GDPD4: variants seen among roughly 807,000 people sequenced by gnomAD.
The protein encoded by GDPD4 is glycerophosphodiester phosphodiesterase domain containing 4.
Under a neutral mutation model 67.8 loss-of-function variants are expected in GDPD4, and 60 were observed. The observed-to-expected ratio is 0.88, with a 90% CI of 0.72 to 1.10. The LOEUF (loss-of-function observed/expected upper bound fraction) is 1.10. Among genes scored for constraint, GDPD4 ranks in the 50% least tolerant of loss-of-function variants. GDPD4 has a pLI of 0.00. For missense variants in GDPD4, 623 were observed against 613.9 expected, an observed-to-expected ratio of 1.01 and a Z score of -0.16; for synonymous variants, 212 against 210.9, an observed-to-expected ratio of 1.00 and a Z score of -0.04.
At chr11:77,296,033 C>A (rs1345168824) in intron 1 of GDPD4, among the ~76,000 whole-genome samples, 1 of 151,932 alleles carries the variant, frequency 6.6e-6, no homozygotes. Flanking sequence ...GGGCAGATCA[C>A]GAGGCCAGGA....
At chr11:77,301,485 CAG>C (rs1938158804) in intron 1 of GDPD4, 118 bp downstream of exon 1, 1 of 152,232 alleles carries the variant, frequency 6.6e-6, no homozygotes, top group South Asian at 2.1e-4. Context: ...AACGACCCGA[CAG>C]AGTGAGCGAA....
rs1185663589 is a variant in GDPD4 at position 77,216,676 on chromosome 11, T to C, written c.*601A>G. 9.5e-6 allele frequency: 5 copies of C among 525,086 alleles called. No individual in the cohort carries two copies. Among genetic ancestry groups the C allele is most frequent in the Non-Finnish European group, 1.7e-5 (5 of 293,960 alleles). 32.5% of individuals were successfully genotyped at this position (525,086 alleles called of 1,614,324 possible). A position where few individuals can be genotyped will look rare whatever the true frequency, so the allele number is the denominator to read the frequency against. Reference sequence around the variant, plus strand: ...AGTTCCAAGACCACACACAGCAGTTTTCCCCTTGCCTAGCCCCTTGAGATG... The same window carrying C: ...AGTTCCAAGACCACACACAGCAGTTCTCCCCTTGCCTAGCCCCTTGAGATG... On this transcript the variant is annotated 3_prime_UTR_variant, in exon 17 of 17. Coordinates refer to ENST00000315938, the MANE Select transcript of GDPD4 (RefSeq NM_182833.3).
At chr11:77,300,105 A>G (rs1938109118) in intron 1 of GDPD4, among the ~76,000 whole-genome samples, 1 of 151,982 alleles carries the variant, frequency 6.6e-6, no homozygotes, top group Non-Finnish European at 1.5e-5. Context: ...ACCTTTTTTG[A>G]TCACCTGCTC....
chr11:77,278,158 A>G (rs1959580313), intron 4 of GDPD4, among the ~76,000 whole-genome samples: 1 of 152,052 alleles, frequency 6.6e-6, no homozygotes, highest in Non-Finnish European at 1.5e-5. Flanking sequence ...ACTTCTAACC[A>G]TGTTAGCCAG....
chr11:77,278,394 T>C (rs1275773695), intron 4 of GDPD4, among the ~76,000 whole-genome samples: 1 of 152,198 alleles, frequency 6.6e-6, no homozygotes, highest in East Asian at 1.9e-4. Context: ...CATATCTATA[T>C]GTCCAAATCT....
Position 77,270,444 on chromosome 11 carries a change from G to A in GDPD4, c.401-484C>T, listed in dbSNP as rs1018094322. ...TTGAAACTACTAATATTTGCCGGGCGCAGTGGCTCACGCCTGTAATCCCAG... is the reference window on the plus strand; with the variant it reads ...TTGAAACTACTAATATTTGCCGGGCACAGTGGCTCACGCCTGTAATCCCAG... On this transcript the variant is annotated intron_variant, in intron 7 of 16. Coordinates refer to ENST00000315938, the MANE Select transcript of GDPD4 (RefSeq NM_182833.3). Among the ~76,000 whole-genome samples, 4 of 152,318 alleles carry A rather than the reference G, an allele frequency of 2.6e-5. 1 individual carries two copies. Among genetic ancestry groups the A allele is most frequent in the South Asian group, 4.1e-4 (2 of 4,826 alleles).
Position 77,258,245 on chromosome 11 carries a change from T to C in GDPD4, c.864+141A>G, listed in dbSNP as rs891345331. The C allele has an allele frequency of 2.3e-5, 17 of 743,448 alleles. No individual in the cohort carries two copies. The Admixed American group carries it at 4.4e-4, about 19-fold the overall frequency. 46.1% of individuals were successfully genotyped at this position (743,448 alleles called of 1,614,324 possible). A position where few individuals can be genotyped will look rare whatever the true frequency, so the allele number is the denominator to read the frequency against. On this transcript the variant is annotated intron_variant, in intron 11 of 16. Transcript: ENST00000315938. ...ATTACTGAAAAAGCCCTCCTGCCAA[T>C]ACTATAGTCCTGCTACCAAACTGGG... is the stretch of plus-strand genomic sequence containing the variant.
rs72935611 is a variant in GDPD4 at position 77,241,995 on chromosome 11, G to A, written c.1241+1699C>T. On this transcript the variant is annotated intron_variant, in intron 13 of 16. Transcript: ENST00000315938. ...AGAGAGTAGAATGTTGGTTACCAAA[G>A]GCTAATGTTGGTTACTGAAAAGTAG... 8.5e-3 allele frequency among the ~76,000 whole-genome samples: 1,299 copies of A among 152,120 alleles called. 34 individuals carry two copies. Among genetic ancestry groups the A allele is most frequent in the East Asian group, 0.015 (80 of 5,164 alleles).
At chr11:77,273,053 C>T (rs541194973) in intron 5 of GDPD4, among the ~76,000 whole-genome samples, 61 of 152,128 alleles carry the variant, frequency 4.0e-4, no homozygotes, top group African/African-American at 1.4e-3. Context: ...ACAATAAAAC[C>T]AACCTAAATA....
Position 77,217,326 on chromosome 11 carries a change from A to C in GDPD4, c.1526-12T>G. ...TCCACTCTGAGTATCTGTGGGATGGAAAAGACACAGATTCCTCAAATGTCA... is the reference window on the plus strand; with the variant it reads ...TCCACTCTGAGTATCTGTGGGATGGCAAAGACACAGATTCCTCAAATGTCA... On this transcript the variant is annotated splice_polypyrimidine_tract_variant and intron_variant, in intron 16 of 16. Transcript: ENST00000315938. 1 of 1,592,594 alleles carries C rather than the reference A, an allele frequency of 6.3e-7. No individual in the cohort carries two copies.
chr11:77,218,394 T>C (rs565498565), intron 16 of GDPD4, among the ~76,000 whole-genome samples: 1 of 152,306 alleles, frequency 6.6e-6, no homozygotes, highest in Admixed American at 6.5e-5. Context: ...TAGTTACCGC[T>C]CTTTTATTAT....
intron 14 of GDPD4, among the ~76,000 whole-genome samples, chr11:77,230,126 T>TA (rs1292619545): frequency 1.3e-5 from 2 of 152,174 alleles, no homozygotes; most frequent in Non-Finnish European, 2.9e-5. Flanking sequence ...ATAATAGCCC[T>TA]ACTAGTAGAA....
rs371285012 is a variant in GDPD4 at position 77,245,369 on chromosome 11, T to C, written c.998A>G (p.His333Arg). Residue 333 changes from histidine to arginine, a missense_variant, in exon 12 of 17, where the codon CAT becomes CGT. His to Arg is a conservative substitution (Grantham distance 29, BLOSUM62 0). Transcript: ENST00000315938. Reference protein sequence around the residue: ...KERKFVIFDLHRPPPKHPLRH... With the variant: ...KERKFVIFDLRRPPPKHPLRH... ...GAGAGGATGTTTTGGTGGAGGGCGATGAAGATCAAATATCACAAATTTTCT... is the reference window on the plus strand; with the variant it reads ...GAGAGGATGTTTTGGTGGAGGGCGACGAAGATCAAATATCACAAATTTTCT... 12 of 1,614,080 alleles carry C rather than the reference T, an allele frequency of 7.4e-6. No individual in the cohort carries two copies. The highest frequency in any genetic ancestry group is 1.1e-5 in the South Asian group (1 of 91,088).
chr11:77,300,293 G>A (rs1206721861), intron 1 of GDPD4, among the ~76,000 whole-genome samples: 2 of 152,128 alleles, frequency 1.3e-5, no homozygotes, highest in Admixed American at 6.5e-5. Flanking sequence ...CAGGGGCCAC[G>A]TGTGTCAGGA....
At chr11:77,252,378 G>GT (rs1026257978) in intron 11 of GDPD4, among the ~76,000 whole-genome samples, 1 of 151,920 alleles carries the variant, frequency 6.6e-6, no homozygotes. Flanking sequence ...CTTTTTTACT[G>GT]TATCTATGTT....
chr11:77,217,821 C>T (rs546335251), intron 16 of GDPD4, among the ~76,000 whole-genome samples: 134 of 152,118 alleles, frequency 8.8e-4, no homozygotes, highest in African/African-American at 3.2e-3. Flanking sequence ...ATCCTTCTAC[C>T]AAAGACAAAT....
intron 16 of GDPD4, among the ~76,000 whole-genome samples, chr11:77,227,029 T>TA: frequency 6.6e-6 from 1 of 152,326 alleles, no homozygotes; most frequent in African/African-American, 2.4e-5. Context: ...GTTCCAACTT[T>TA]AATTAAGTCT....
At chr11:77,228,751 A>G (rs924703671) in intron 15 of GDPD4, among the ~76,000 whole-genome samples, 2 of 152,192 alleles carry the variant, frequency 1.3e-5, no homozygotes, top group Admixed American at 6.5e-5. Flanking sequence ...AGGGTCACCT[A>G]GCAACTAAGG....
chr11:77,226,501 TA>T (rs563963516), intron 16 of GDPD4, among the ~76,000 whole-genome samples: 3 of 152,150 alleles, frequency 2.0e-5, no homozygotes, highest in Non-Finnish European at 4.4e-5. Context: ...GCATTCAAGC[TA>T]AGAAGACAGT....
Sources: allele counts gnomAD v4.1 joint callset (sites outside exome capture counted in the v4.1 genomes callset), GRCh38; gene constraint gnomAD v4.1.1; transcripts MANE v1.5; gene names NCBI Gene and HGNC (gene_info 2026-07-23, HGNC 2026-07-21).